The following ASMTL variants were observed in gnomAD, a reference collection of about 807,000 sequenced individuals.
ASMTL encodes the protein probable bifunctional dTTP/UTP pyrophosphatase/methyltransferase protein.
In ASMTL, 57 loss-of-function variants were observed where a neutral mutation model predicts 60.3. The ratio of observed to expected loss-of-function variants is 0.95; its 90% CI spans 0.76 to 1.18. The LOEUF is 1.18. ASMTL is among the 50% of genes most tolerant of loss of function. ASMTL has a pLI of 0.00. For synonymous variants in ASMTL, 419 were observed against 373.0 expected, an observed-to-expected ratio of 1.12 and a Z score of -1.42; for missense variants, 981 against 852.6, an observed-to-expected ratio of 1.15 and a Z score of -1.88.
chrX:1,451,283 T>C (rs2091375136), intron 1 of ASMTL, among the ~76,000 whole-genome samples: 1 of 130,844 alleles, frequency 7.6e-6, no homozygotes. Flanking sequence ...CCCCCATCCC[T>C]AGGGGGTCCT....
chrX:1,411,076 C>A (rs771127767), intron 12 of ASMTL, among the ~76,000 whole-genome samples: 1 of 151,958 alleles, frequency 6.6e-6, no homozygotes, highest in Non-Finnish European at 1.5e-5. Flanking sequence ...TCCAGCTACT[C>A]GGGAGGCTGA....
intron 1 of ASMTL, among the ~76,000 whole-genome samples, chrX:1,450,827 G>C (rs1235706479): frequency 1.4e-5 from 2 of 142,950 alleles, no homozygotes; most frequent in South Asian, 2.3e-4. Flanking sequence ...ACATCCCTAG[G>C]CGGTACTGGA....
chrX:1,427,597 C>T (rs772627052), intron 7 of ASMTL, 137 bp downstream of exon 7: 20 of 917,018 alleles, frequency 2.2e-5, no homozygotes, highest in Admixed American at 5.1e-5. Context: ...CTAGAACCTT[C>T]GGAGAAAGCA....
Position 1,403,486 on chromosome X carries a change from GC to G in ASMTL, c.1648del (p.Ala550ProfsTer21), listed in dbSNP as rs35233486. On this transcript the variant is annotated frameshift_variant and splice_region_variant, in exon 13 of 13. Coordinates refer to ENST00000381317, the MANE Select transcript of ASMTL (RefSeq NM_004192.4). LOFTEE classifies it low-confidence loss of function (END_TRUNC). ...GAGCGTCTCCACCAGCAGCAGGCCG[GC>G]CCCTGAGGGAGACAGCAGAGAGCTG... ...SRVAESCKPG[A>X]GLLLVETLLD... 2 of 1,612,702 alleles carry G rather than the reference GC, an allele frequency of 1.2e-6. No homozygotes were observed. Among genetic ancestry groups the G allele is most frequent in the South Asian group, 2.2e-5 (2 of 91,070 alleles).
intron 8 of ASMTL, among the ~76,000 whole-genome samples, chrX:1,422,821 C>T (rs1437715858): frequency 6.6e-6 from 1 of 152,176 alleles, no homozygotes; most frequent in Non-Finnish European, 1.5e-5. Context: ...GAAGCAGGAG[C>T]AGCCTCTGCA....
intron 2 of ASMTL, among the ~76,000 whole-genome samples, chrX:1,439,838 A>G (rs2091063772): frequency 8.7e-6 from 1 of 115,016 alleles, no homozygotes; most frequent in Admixed American, 8.0e-5. Context: ...TCAGTCTCCA[A>G]AAAAAAAAAG....
chrX:1,403,624 C>T, intron 12 of ASMTL, 135 bp from the exon 13 acceptor site: 1 of 741,546 alleles, frequency 1.3e-6, no homozygotes, highest in Admixed American at 2.2e-5. Context: ...CCAGGGGGCC[C>T]ACACAGGTAG....
intron 1 of ASMTL, among the ~76,000 whole-genome samples, chrX:1,451,502 G>GA (rs1491166958): frequency 7.2e-6 from 1 of 139,036 alleles, no homozygotes; most frequent in Non-Finnish European, 1.6e-5. Flanking sequence ...TCCCTAGGGG[G>GA]ATCCCGGCTT....
intron 12 of ASMTL, among the ~76,000 whole-genome samples, chrX:1,405,964 A>G (rs1294150349): frequency 1.3e-5 from 2 of 149,122 alleles, no homozygotes; most frequent in Non-Finnish European, 3.0e-5. Flanking sequence ...ATGGTAGATG[A>G]TGGGTACGTA....
rs1306448423 is a variant in ASMTL at position 1,434,015 on chromosome X, G to C, written c.400+1007C>G. The stretch of plus-strand genomic sequence containing the variant: ...ACCAGGGATATGGGGCTGGGATTGT[G>C]CGTGGAGGTCCCATGGGACCCGGCC... On this transcript the variant is annotated intron_variant, in intron 5 of 12. Transcript: ENST00000381317. Among the ~76,000 whole-genome samples, 8 of 152,316 alleles carry C rather than the reference G, an allele frequency of 5.3e-5. No homozygotes were observed. The South Asian group carries it at 1.7e-3, about 32-fold the overall frequency.
chrX:1,418,394 G>A (rs117832690), intron 10 of ASMTL, among the ~76,000 whole-genome samples: 2,862 of 151,342 alleles, frequency 0.019, 101 homozygotes, highest in African/African-American at 0.065. Flanking sequence ...CACAATGGCC[G>A]GTGCTACAGC....
intron 11 of ASMTL, among the ~76,000 whole-genome samples, chrX:1,417,245 TAC>T (rs376535845): frequency 3.5e-4 from 51 of 147,782 alleles, no homozygotes; most frequent in African/African-American, 8.8e-4. Context: ...AGCAGTCACA[TAC>T]ACACACACAC....
chrX:1,451,566 C>A (rs1366626176), intron 1 of ASMTL, among the ~76,000 whole-genome samples: 6 of 147,794 alleles, frequency 4.1e-5, no homozygotes, highest in Non-Finnish European at 7.5e-5. Context: ...CATCCCCATT[C>A]CTAGGGGGTT....
rs2090225865 is a variant in ASMTL at position 1,415,843 on chromosome X, C to CGG, written c.1522+2129_1522+2130insCC. ...ACGCACAGGCAGACCCACGGACGCA[C>CGG]AGACACAGACACAGGCACACACACA... On this transcript the variant is annotated intron_variant, in intron 11 of 12. Transcript: ENST00000381317. Among the ~76,000 whole-genome samples, 21 of 151,964 alleles carry CGG rather than the reference C, an allele frequency of 1.4e-4. No homozygotes were observed. In the South Asian group the frequency reaches 4.4e-3, roughly 31 times the overall value.
chrX:1,434,906 C>G, intron 5 of ASMTL, 116 bp downstream of exon 5: 2 of 1,094,186 alleles, frequency 1.8e-6, no homozygotes, highest in African/African-American at 1.5e-5. Flanking sequence ...TAGGCACAAA[C>G]CCCTCCACAG....
At chrX:1,404,129 G>A (rs1569530268) in intron 12 of ASMTL, among the ~76,000 whole-genome samples, 1 of 151,250 alleles carries the variant, frequency 6.6e-6, no homozygotes. Flanking sequence ...GGATGAGATG[G>A]ATGGTTGGGT....
At chrX:1,424,328 C>T (rs1346154983) in intron 8 of ASMTL, among the ~76,000 whole-genome samples, 12 of 150,478 alleles carry the variant, frequency 8.0e-5, no homozygotes, top group Middle Eastern at 3.4e-3. Flanking sequence ...ATTCCCCCAC[C>T]CAGCTACCCA....
chrX:1,438,884 C>T (rs1219755430), intron 3 of ASMTL, among the ~76,000 whole-genome samples: 2 of 152,182 alleles, frequency 1.3e-5, no homozygotes, highest in African/African-American at 4.8e-5. Flanking sequence ...ACCTCGGCCT[C>T]CCAAAATGCT....
intron 7 of ASMTL, 148 bp from the exon 8 acceptor site, chrX:1,425,835 G>A (rs779532691): frequency 8.3e-6 from 6 of 724,398 alleles, no homozygotes; most frequent in African/African-American, 7.2e-5. Context: ...GGGATTTATA[G>A]GATCAAGTCC....
Sources: gnomAD v4.1 joint callset for allele counts (sites outside exome capture counted in the v4.1 genomes callset) on GRCh38, gnomAD v4.1.1 for gene constraint, MANE v1.5 for transcripts, NCBI Gene and HGNC (gene_info 2026-07-23, HGNC 2026-07-21) for gene names.